Variants in RP1 observed in about 807,000 individuals in gnomAD.
The protein encoded by RP1 is RP1 axonemal microtubule associated, also known as oxygen-regulated protein 1.
RP1 carries 16 observed loss-of-function variants against 14.8 expected under a neutral mutation model. The observed-to-expected ratio is 1.08, with a 90% confidence interval of 0.73 to 1.65. The LOEUF (loss-of-function observed/expected upper bound fraction) is 1.65. Among genes scored for constraint, RP1 ranks in the 40% most tolerant of loss-of-function variants. The probability of loss-of-function intolerance (pLI) is 0.00; values close to 1 mark genes in which losing one functional copy is unlikely to be tolerated. For missense variants in RP1, 2,631 were observed against 2,535.0 expected (o/e 1.04, Z -0.81); for synonymous variants, 876 against 883.6 (o/e 0.99, Z 0.15).
chr8:54,736,693 A>G (rs1808934823), intron 18 of RP1, among the ~76,000 whole-genome samples: 1 of 152,132 alleles, frequency 6.6e-6, no homozygotes, highest in Non-Finnish European at 1.5e-5. Flanking sequence ...GATTGGGTCT[A>G]CACATGGAAG....
At chr8:54,868,377 A>G (rs2129330720) in intron 28 of RP1, among the ~76,000 whole-genome samples, 1 of 152,322 alleles carries the variant, frequency 6.6e-6, no homozygotes, top group Admixed American at 6.5e-5. Context: ...AGCAATATAA[A>G]CTGTTTTCCT....
chr8:54,573,666 A>G (rs963626208), intron 1 of RP1, among the ~76,000 whole-genome samples: 8 of 152,350 alleles, frequency 5.3e-5, no homozygotes, highest in African/African-American at 1.9e-4. Context: ...ATAATGAGGC[A>G]GAGTGGATCT....
At position 54,626,556 on chromosome 8, in the gene RP1, G is replaced by A. The variant is rs1205090712; in HGVS notation, c.2674G>A (p.Ala892Thr). The change falls in exon 4 of 4, where the codon GCA becomes ACA. Residue 892 changes from alanine (A) to threonine (T), a missense_variant. Ala to Thr is a moderately conservative substitution (Grantham distance 58, BLOSUM62 0). Transcript: ENST00000220676. ...ILSKQHATTR[A>T]NSLASLKKPD... is the part of the protein sequence containing the mutation. ...AAGTAAACAACATGCTACAACCAGGGCAAATTCTTTAGCTTCTTTGAAAAA... is the reference window on the plus strand; with the variant it reads ...AAGTAAACAACATGCTACAACCAGGACAAATTCTTTAGCTTCTTTGAAAAA... 6.2e-7 allele frequency: 1 copy of A among 1,613,492 alleles called. No individual in the cohort carries two copies. Among genetic ancestry groups the A allele is most frequent in the Admixed American group, 1.7e-5 (1 of 59,962 alleles).
chr8:54,792,227 G>A (rs1161602299), intron 24 of RP1, among the ~76,000 whole-genome samples: 3 of 151,896 alleles, frequency 2.0e-5, no homozygotes, highest in African/African-American at 7.2e-5. Flanking sequence ...TACAACAATA[G>A]AAGTGAAAGG....
intron 19 of RP1, among the ~76,000 whole-genome samples, chr8:54,748,521 C>G (rs996325234): frequency 6.6e-6 from 1 of 152,170 alleles, no homozygotes. Flanking sequence ...TTGTACAGTC[C>G]TTGATAACAA....
intron 3 of RP1, among the ~76,000 whole-genome samples, chr8:54,646,783 T>G (rs771181905): frequency 2.0e-5 from 3 of 152,192 alleles, no homozygotes; most frequent in Non-Finnish European, 4.4e-5. Flanking sequence ...ATTTCTTTCT[T>G]GATTGATTTG....
intron 1 of RP1, among the ~76,000 whole-genome samples, chr8:54,587,599 G>T (rs927552997): frequency 3.3e-5 from 5 of 152,208 alleles, no homozygotes; most frequent in Non-Finnish European, 4.4e-5. Flanking sequence ...CTACTGGGAA[G>T]TTGAAAATTT....
At chr8:54,771,202 A>G (rs1300720773), downstream of RP1, among the ~76,000 whole-genome samples, 1 of 152,036 alleles carries the variant, frequency 6.6e-6, no homozygotes, top group Non-Finnish European at 1.5e-5. Context: ...TAGGATGGTC[A>G]TAATTTTACT....
chr8:54,620,817 T>A, intron 1 of RP1, 138 bp from the exon 2 acceptor site: 1 of 840,742 alleles, frequency 1.2e-6, no homozygotes. Context: ...TTGATAGGTA[T>A]AATGAATGAA....
At chr8:54,869,779 C>A in intron 28 of RP1, 1 of 594,544 alleles carries the variant, frequency 1.7e-6, no homozygotes, top group Non-Finnish European at 2.5e-6. Context: ...TTTTTCCTTT[C>A]TAACTAATGA....
intron 9 of RP1, chr8:54,678,643 T>C (rs1265580883): frequency 2.3e-6 from 2 of 852,370 alleles, no homozygotes; most frequent in Admixed American, 5.5e-5. Context: ...ACTGAGTCTT[T>C]GTTGGGTAAC....
rs1311794892 is a variant in RP1 at position 54,628,378 on chromosome 8, A to G, written c.4496A>G (p.Glu1499Gly). Residue 1499 changes from glutamate to glycine, a missense_variant, in exon 4 of 4, where the codon GAG becomes GGG. Transcript: ENST00000220676. ...ATEELIQEEV[E>G]ASKTLELIDI... Reference sequence around the variant, plus strand: ...GAAGAATTAATCCAAGAAGAGGTAGAGGCTAGTAAAACTTTAGAATTGATA... The same window carrying G: ...GAAGAATTAATCCAAGAAGAGGTAGGGGCTAGTAAAACTTTAGAATTGATA... 1 of 1,613,734 alleles carries G rather than the reference A, an allele frequency of 6.2e-7. No homozygotes were observed. The highest frequency in any genetic ancestry group is 1.7e-5 in the Admixed American group (1 of 60,026).
intron 23 of RP1, among the ~76,000 whole-genome samples, chr8:54,781,980 C>A (rs1025498755): frequency 6.6e-6 from 1 of 152,106 alleles, no homozygotes; most frequent in Non-Finnish European, 1.5e-5. Flanking sequence ...TCCCTCCCCC[C>A]ATGATAGCAT....
chr8:54,783,498 A>G, intron 23 of RP1: 2 of 928,138 alleles, frequency 2.2e-6, no homozygotes, highest in Admixed American at 8.6e-5. Context: ...CCTAATATTA[A>G]TGTGTTTTTC....
chr8:54,605,093 T>G (rs961290017), intron 1 of RP1, among the ~76,000 whole-genome samples: 5 of 152,192 alleles, frequency 3.3e-5, no homozygotes, highest in African/African-American at 1.2e-4. Context: ...TTTGAATGTG[T>G]TTGCTCTTGC....
chr8:54,727,540 C>G (rs1488492838), intron 17 of RP1, among the ~76,000 whole-genome samples: 1 of 151,900 alleles, frequency 6.6e-6, no homozygotes, highest in African/African-American at 2.4e-5. Flanking sequence ...AAAATTTGTT[C>G]TGGCAAAAAT....
chr8:54,666,800 C>A (rs566906272), intron 7 of RP1, among the ~76,000 whole-genome samples: 1 of 152,072 alleles, frequency 6.6e-6, no homozygotes, highest in Admixed American at 6.6e-5. Flanking sequence ...TTTAAAAAGA[C>A]CTCCTAGTTC....
chr8:54,847,963 T>G (rs1281280314), intron 25 of RP1, among the ~76,000 whole-genome samples: 1 of 152,250 alleles, frequency 6.6e-6, no homozygotes, highest in African/African-American at 2.4e-5. Context: ...CTTCTGTGTC[T>G]TTGGCCTCTA....
intron 23 of RP1, among the ~76,000 whole-genome samples, chr8:54,782,235 G>A (rs1287187561): frequency 6.6e-6 from 1 of 152,158 alleles, no homozygotes; most frequent in Non-Finnish European, 1.5e-5. Flanking sequence ...AAGTAGCAGT[G>A]CACCCTTTTG....
Sources: allele counts gnomAD v4.1 joint callset (sites outside exome capture counted in the v4.1 genomes callset), GRCh38; gene constraint gnomAD v4.1.1; transcripts MANE v1.5; gene names NCBI Gene and HGNC (gene_info 2026-07-23, HGNC 2026-07-21).